The following CDH12 variants were observed in gnomAD, a reference collection of about 807,000 sequenced individuals.
The protein encoded by CDH12 is cadherin-12.
CDH12 carries 41 observed loss-of-function variants against 74.1 expected under a neutral mutation model. The observed-to-expected ratio is 0.55, with a 90% CI of 0.43 to 0.72. CDH12 has a LOEUF of 0.72. CDH12 is among the 30% of genes least tolerant of loss of function. CDH12 has a pLI of 0.00. For missense variants in CDH12, 945 were observed against 977.2 expected (o/e 0.97, Z 0.44); for synonymous variants, 399 against 355.0 (o/e 1.12, Z -1.39).
intron 4 of CDH12, among the ~76,000 whole-genome samples, chr5:22,106,746 T>C (rs766448664): frequency 6.6e-6 from 1 of 152,176 alleles, no homozygotes; most frequent in African/African-American, 2.4e-5. Context: ...TCCAACAGTA[T>C]GCACTAAAAA....
At chr5:22,687,532 C>T (rs984975407) in intron 1 of CDH12, among the ~76,000 whole-genome samples, 8 of 152,074 alleles carry the variant, frequency 5.3e-5, no homozygotes, top group Non-Finnish European at 1.2e-4. Flanking sequence ...CTCAGCCTCT[C>T]AAGTAGCTGG....
In CDH12 at chr5:22,681,286, AG is replaced by A. The variant is rs576879895; in HGVS notation, c.-523+171771del. ...GTGTATTAGATAAGTGCCCAGGAGC[AG>A]TTTTTTTTTCTAACTATTGAAGGTT... On this transcript the variant is annotated intron_variant, in intron 1 of 14. Coordinates refer to ENST00000382254, the MANE Select transcript of CDH12 (RefSeq NM_004061.5). Among the ~76,000 whole-genome samples, 24 of 147,674 alleles carry A rather than the reference AG, an allele frequency of 1.6e-4. No homozygotes were observed. The East Asian group carries it at 4.6e-3, about 28-fold the overall frequency.
intron 4 of CDH12, among the ~76,000 whole-genome samples, chr5:22,096,594 C>T (rs1041159424): frequency 1.3e-5 from 2 of 152,162 alleles, no homozygotes; most frequent in Non-Finnish European, 2.9e-5. Flanking sequence ...CTTACAGTTT[C>T]TTTCCGCTAC....
chr5:22,457,032 C>T (rs936575872), intron 2 of CDH12, among the ~76,000 whole-genome samples: 6 of 151,858 alleles, frequency 4.0e-5, no homozygotes, highest in African/African-American at 1.5e-4. Context: ...AATACTGAGT[C>T]CTTTTCCTGA....
chr5:21,842,793 T>C (rs1405609406), intron 7 of CDH12, among the ~76,000 whole-genome samples: 3 of 152,344 alleles, frequency 2.0e-5, no homozygotes, highest in Non-Finnish European at 4.4e-5. Flanking sequence ...TAATTTCTTT[T>C]CTAAAAATGC....
intron 1 of CDH12, among the ~76,000 whole-genome samples, chr5:22,547,764 A>C (rs1337982334): frequency 6.6e-6 from 1 of 152,196 alleles, no homozygotes; most frequent in African/African-American, 2.4e-5. Context: ...TAAATAGGTA[A>C]GTGGTCTGAA....
Position 21,984,692 on chromosome 5 carries a change from G to A in CDH12, c.232-9307C>T, listed in dbSNP as rs189588397. ...TGATGCTTTCCGAAGAGGAGTTAAA[G>A]GTGTTTGGGAGGTACACCATTTCCC... On this transcript the variant is annotated intron_variant, in intron 5 of 14. Coordinates refer to ENST00000382254, the MANE Select transcript of CDH12 (RefSeq NM_004061.5). Among the ~76,000 whole-genome samples the A allele has an allele frequency of 8.1e-3, 1,240 of 152,252 alleles. 6 individuals carry two copies. The highest frequency in any genetic ancestry group is 0.044 in the Middle Eastern group (13 of 294).
At chr5:22,450,538 C>T (rs1288102561) in intron 2 of CDH12, among the ~76,000 whole-genome samples, 3 of 151,840 alleles carry the variant, frequency 2.0e-5, no homozygotes, top group Non-Finnish European at 4.4e-5. Context: ...ATATCATAGT[C>T]TCACTGTATC....
chr5:21,857,903 C>G (rs534903960), intron 6 of CDH12, among the ~76,000 whole-genome samples: 1 of 151,908 alleles, frequency 6.6e-6, no homozygotes, highest in Admixed American at 6.6e-5. Flanking sequence ...ACCTCTCTTC[C>G]TGGCTTCTCA....
At chr5:22,656,610 T>C in intron 1 of CDH12, among the ~76,000 whole-genome samples, 1 of 152,192 alleles carries the variant, frequency 6.6e-6, no homozygotes, top group South Asian at 2.1e-4. Flanking sequence ...AATTTCTTAG[T>C]GAAAATATTT....
Position 21,869,976 on chromosome 5 carries a change from A to C in CDH12, c.527-15186T>G, listed in dbSNP as rs116637907. Reference sequence around the variant, plus strand: ...GAGGGACCTGGTGGAAGAAAACTGAATTATGGGGGCAGTTTCTCCCATAAT... The same window carrying C: ...GAGGGACCTGGTGGAAGAAAACTGACTTATGGGGGCAGTTTCTCCCATAAT... On this transcript the variant is annotated intron_variant, in intron 6 of 14. Transcript: ENST00000382254. Among the ~76,000 whole-genome samples the C allele has an allele frequency of 5.5e-3, 835 of 152,196 alleles. 10 individuals carry two copies. The highest frequency in any genetic ancestry group is 0.019 in the African/African-American group (786 of 41,524).
chr5:21,902,236 T>G (rs907828126), intron 6 of CDH12, among the ~76,000 whole-genome samples: 6 of 151,350 alleles, frequency 4.0e-5, no homozygotes, highest in Non-Finnish European at 5.9e-5. Context: ...AGGTGCTCTC[T>G]CTCTCTCTAC....
intron 3 of CDH12, among the ~76,000 whole-genome samples, chr5:22,252,617 A>G (rs1459607512): frequency 6.6e-6 from 1 of 152,054 alleles, no homozygotes; most frequent in Non-Finnish European, 1.5e-5. Flanking sequence ...TTCACTTTCT[A>G]AACCTTTCTC....
At chr5:22,321,577 C>T (rs1048629846) in intron 3 of CDH12, among the ~76,000 whole-genome samples, 2 of 146,704 alleles carry the variant, frequency 1.4e-5, no homozygotes, top group Non-Finnish European at 3.0e-5. Flanking sequence ...CGCACCAGCA[C>T]GGCACATGTA....
intron 1 of CDH12, among the ~76,000 whole-genome samples, chr5:22,742,235 A>G (rs759962922): frequency 4.0e-5 from 6 of 151,888 alleles, no homozygotes; most frequent in Non-Finnish European, 8.8e-5. Context: ...AGAAAGAGAG[A>G]AAGGAAAGAA....
At chr5:22,424,166 C>T (rs1323124460) in intron 2 of CDH12, among the ~76,000 whole-genome samples, 1 of 151,850 alleles carries the variant, frequency 6.6e-6, no homozygotes, top group East Asian at 1.9e-4. Flanking sequence ...GTACAATTCA[C>T]CACAAATTCT....
At chr5:22,095,394 G>A (rs908589063) in intron 4 of CDH12, among the ~76,000 whole-genome samples, 1 of 152,152 alleles carries the variant, frequency 6.6e-6, no homozygotes, top group Admixed American at 6.5e-5. Context: ...TCATGGACTC[G>A]GGAAGGCAGC....
At chr5:22,274,367 A>G (rs1405422660) in intron 3 of CDH12, among the ~76,000 whole-genome samples, 2 of 152,144 alleles carry the variant, frequency 1.3e-5, no homozygotes, top group African/African-American at 4.8e-5. Context: ...ATCTAATTAA[A>G]CATAGATTTA....
intron 1 of CDH12, among the ~76,000 whole-genome samples, chr5:22,547,384 G>T (rs1382998027): frequency 6.6e-6 from 1 of 152,108 alleles, no homozygotes; most frequent in African/African-American, 2.4e-5. Flanking sequence ...CGGTGATTCA[G>T]AATGCTGAGA....
Sources: gnomAD v4.1 joint callset for allele counts (sites outside exome capture counted in the v4.1 genomes callset) on GRCh38, gnomAD v4.1.1 for gene constraint, MANE v1.5 for transcripts, NCBI Gene and HGNC (gene_info 2026-07-23, HGNC 2026-07-21) for gene names.